Variants in AATF observed in about 807,000 individuals in gnomAD.
AATF encodes apoptosis antagonizing transcription factor, also known as protein AATF.
AATF carries 48 observed loss-of-function variants against 63.7 expected under a neutral mutation model. The ratio of observed to expected loss-of-function variants is 0.75; its 90% CI spans 0.60 to 0.96. The LOEUF is 0.96. Ranked by LOEUF, AATF falls within the 40% of genes least tolerant of loss-of-function variation. The pLI is 0.00. For missense variants in AATF, 639 were observed against 685.7 expected (o/e 0.93, Z 0.76); for synonymous variants, 258 against 247.7 (o/e 1.04, Z -0.39).
rs762988298 is a variant in AATF, at chr17:36,990,792, C to CCTG, written c.1336_1338dup (p.Ala446dup). On this transcript the variant is annotated inframe_insertion, in exon 8 of 12. Transcript: ENST00000619387. ...AACATAGGAGATCCTTCCTCAAGCC[C>CCTG]CTGCTAATGCTCATCTGAAGGACTT... The CCTG allele has an allele frequency of 5.7e-6, 9 of 1,592,084 alleles. No individual in the cohort carries two copies. In the East Asian group the frequency reaches 2.1e-4, roughly 37 times the overall value.
chr17:37,043,042 A>AT (rs34084439), intron 11 of AATF: 276 of 146,116 alleles, frequency 1.9e-3, no homozygotes, highest in Middle Eastern at 3.5e-3. Context: ...CGCCTGGCAA[A>AT]TTTTTTTTTT....
intron 4 of AATF, among the ~76,000 whole-genome samples, chr17:36,958,558 T>A (rs2070920769): frequency 1.3e-5 from 2 of 152,186 alleles, no homozygotes; most frequent in South Asian, 4.1e-4. Context: ...CTTAAGGAAA[T>A]CTCACCATGA....
intron 4 of AATF, among the ~76,000 whole-genome samples, chr17:36,968,508 T>C (rs540333145): frequency 5.3e-5 from 8 of 152,156 alleles, no homozygotes; most frequent in African/African-American, 1.9e-4. Context: ...ATTCCTGAGC[T>C]TAGGTGATCT....
At chr17:37,049,340 C>A (rs978796670) in intron 11 of AATF, among the ~76,000 whole-genome samples, 1 of 152,120 alleles carries the variant, frequency 6.6e-6, no homozygotes, top group African/African-American at 2.4e-5. Flanking sequence ...CGGTGGCTCA[C>A]GCCTGTAATC....
In AATF at chr17:36,953,837, T is replaced by A; in HGVS notation, c.762T>A (p.Leu254=). 6.2e-7 allele frequency: 1 copy of A among 1,614,106 alleles called. No individual in the cohort carries two copies. Among genetic ancestry groups the A allele is most frequent in the South Asian group, 1.1e-5 (1 of 91,086 alleles). Residue 254 remains leucine (L), a synonymous_variant, in exon 4 of 12, where the codon CTT becomes CTA. Coordinates refer to ENST00000619387, the MANE Select transcript of AATF (RefSeq NM_012138.4). ...LQKALLTTNQ[L]PQPDVFPLFK... is the part of the protein sequence containing the mutation. Reference sequence around the variant, plus strand: ...AAGCTCTGTTGACCACCAACCAGCTTCCTCAACCAGATGTTTTCCCATTGT... The same window carrying A: ...AAGCTCTGTTGACCACCAACCAGCTACCTCAACCAGATGTTTTCCCATTGT...
At chr17:37,038,865 C>G (rs1383642280) in intron 11 of AATF, among the ~76,000 whole-genome samples, 1 of 152,156 alleles carries the variant, frequency 6.6e-6, no homozygotes, top group Non-Finnish European at 1.5e-5. Context: ...TGTTTTACAT[C>G]TGGAGTTTTA....
At chr17:36,954,024 C>T in intron 4 of AATF, 117 bp downstream of exon 4, 1 of 1,069,276 alleles carries the variant, frequency 9.4e-7, no homozygotes, top group Non-Finnish European at 1.3e-6. Flanking sequence ...TCTCATCTGC[C>T]CTTGCTCTCC....
At chr17:37,030,229 G>A (rs1392379028) in intron 10 of AATF, among the ~76,000 whole-genome samples, 1 of 151,984 alleles carries the variant, frequency 6.6e-6, no homozygotes, top group Non-Finnish European at 1.5e-5. Flanking sequence ...TTGTATAATA[G>A]GAAAAATCTT....
At chr17:36,950,936 A>G (rs2070850292) in intron 2 of AATF, among the ~76,000 whole-genome samples, 1 of 152,206 alleles carries the variant, frequency 6.6e-6, no homozygotes, top group African/African-American at 2.4e-5. Flanking sequence ...TCTGATGAAC[A>G]TGTTATCCTT....
At chr17:37,009,841 A>AAAAAC (rs2071374561) in intron 8 of AATF, among the ~76,000 whole-genome samples, 2 of 150,828 alleles carry the variant, frequency 1.3e-5, no homozygotes, top group Non-Finnish European at 1.5e-5. Flanking sequence ...AAAAAAAAAA[A>AAAAAC]AAAAAAAAAC....
chr17:36,953,996 A>T, intron 4 of AATF, 89 bp downstream of exon 4: 2 of 1,404,508 alleles, frequency 1.4e-6, no homozygotes, highest in Non-Finnish European at 1.9e-6. Flanking sequence ...AGCTTGAGCC[A>T]TGTTTATTGT....
intron 4 of AATF, among the ~76,000 whole-genome samples, chr17:36,982,418 A>G (rs1567972676): frequency 6.6e-6 from 1 of 152,022 alleles, no homozygotes; most frequent in Admixed American, 6.6e-5. Context: ...CAGTGGTACA[A>G]TCTTGGCTCA....
chr17:37,023,595 G>GAGTTTAAAAAGAGGCATTCTTTTTAAAC (rs2071489350), intron 10 of AATF, among the ~76,000 whole-genome samples: 2 of 136,904 alleles, frequency 1.5e-5, no homozygotes, highest in African/African-American at 5.4e-5. Flanking sequence ...TTTTTAAACA[G>GAGTTTAAAAAGAGGCATTCTTTTTAAAC]AGTTTAAAAA....
chr17:37,001,428 G>GAAGGA (rs1449196456), intron 8 of AATF, among the ~76,000 whole-genome samples: 7 of 115,734 alleles, frequency 6.0e-5, no homozygotes, highest in African/African-American at 2.8e-4. Context: ...AGGAAGGAAG[G>GAAGGA]AAGGAAGGAA....
intron 4 of AATF, among the ~76,000 whole-genome samples, chr17:36,957,696 C>G (rs756892401): frequency 2.0e-5 from 3 of 150,656 alleles, no homozygotes; most frequent in Non-Finnish European, 2.9e-5. Context: ...CCTTTCTGAT[C>G]TCTTCTCTGG....
intron 10 of AATF, among the ~76,000 whole-genome samples, chr17:37,025,382 G>T (rs1273728517): frequency 6.6e-6 from 1 of 152,132 alleles, no homozygotes; most frequent in Non-Finnish European, 1.5e-5. Context: ...CCCAGGGAGG[G>T]TACGGTGTGA....
intron 11 of AATF, among the ~76,000 whole-genome samples, chr17:37,036,605 A>T (rs187066003): frequency 0.013 from 1,839 of 144,752 alleles, 11 homozygotes; most frequent in Non-Finnish European, 0.019. Context: ...CTATTTTTTT[A>T]AAAAAAAAAA....
chr17:36,990,933 G>T lies in AATF; in HGVS notation c.1398+76G>T, dbSNP rs1449198057. 7 of 1,114,288 alleles carry T rather than the reference G, an allele frequency of 6.3e-6. No homozygotes were observed. The Admixed American group carries it at 1.7e-4, about 27-fold the overall frequency. 69.0% of individuals were successfully genotyped at this position (1,114,288 alleles called of 1,614,324 possible). ...CAGCTTATAGAATTCTCTGAACAAAGAAGTTGCTTATTTTGGAAGGATAGA... is the reference window on the plus strand; with the variant it reads ...CAGCTTATAGAATTCTCTGAACAAATAAGTTGCTTATTTTGGAAGGATAGA... On this transcript the variant is annotated intron_variant, in intron 8 of 11. Coordinates refer to ENST00000619387, the MANE Select transcript of AATF (RefSeq NM_012138.4).
intron 11 of AATF, among the ~76,000 whole-genome samples, chr17:37,039,665 G>T (rs1267318381): frequency 1.3e-5 from 2 of 152,216 alleles, no homozygotes; most frequent in Non-Finnish European, 2.9e-5. Flanking sequence ...CCAGCACAGA[G>T]ATAGGGGCAT....
Sources: gnomAD v4.1 joint callset for allele counts (sites outside exome capture counted in the v4.1 genomes callset) on GRCh38, gnomAD v4.1.1 for gene constraint, MANE v1.5 for transcripts, NCBI Gene and HGNC (gene_info 2026-07-23, HGNC 2026-07-21) for gene names.